Variants in SWT1 observed in about 807,000 individuals in gnomAD.
SWT1 encodes the protein SWT1 RNA endoribonuclease homolog, also known as transcriptional protein SWT1.
In SWT1, 33 loss-of-function variants were observed where a neutral mutation model predicts 107.3. That is an observed-to-expected ratio of 0.31 (90% confidence interval 0.23 to 0.41). SWT1 has a LOEUF of 0.41. Ranked by LOEUF, SWT1 falls within the 10% of genes least tolerant of loss-of-function variation. SWT1 has a pLI of 1.00. For missense variants in SWT1, 898 were observed against 1,028.9 expected (o/e 0.87, Z 1.74); for synonymous variants, 345 against 348.3 (o/e 0.99, Z 0.11).
intron 18 of SWT1, among the ~76,000 whole-genome samples, chr1:185,290,114 A>G (rs1665163958): frequency 6.7e-6 from 1 of 148,774 alleles, no homozygotes; most frequent in Non-Finnish European, 1.5e-5. Context: ...AAAAAAAGCA[A>G]AACAAAACAA....
intron 18 of SWT1, among the ~76,000 whole-genome samples, chr1:185,284,172 T>C (rs1178901958): frequency 1.3e-5 from 2 of 152,240 alleles, no homozygotes; most frequent in African/African-American, 4.8e-5. Flanking sequence ...TTGTATCTCA[T>C]TGTGATTTCA....
chr1:185,174,906 C>T lies in SWT1; in HGVS notation c.759C>T (p.Phe253=). ...AGAAACTTGTAGAAGAAAATGTCTT[C>T]AACATAGATTCTAATAATTCGAAGA... ...TLQKLVEENV[F]NIDSNNSKTK... The change falls in exon 5 of 19, where the codon TTC becomes TTT. Residue 253 remains phenylalanine (F), a synonymous_variant. Transcript: ENST00000367500. 2 of 1,613,854 alleles carry T rather than the reference C, an allele frequency of 1.2e-6. No individual in the cohort carries two copies. The highest frequency in any genetic ancestry group is 1.7e-6 in the Non-Finnish European group (2 of 1,179,948).
intron 15 of SWT1, among the ~76,000 whole-genome samples, chr1:185,225,523 A>G (rs1659980929): frequency 6.6e-6 from 1 of 152,190 alleles, no homozygotes; most frequent in African/African-American, 2.4e-5. Context: ...GAATTCAGCA[A>G]TGAAGCCATC....
upstream of SWT1, chr1:185,157,071 A>C: frequency 3.8e-6 from 1 of 264,624 alleles, no homozygotes; most frequent in Non-Finnish European, 7.4e-6. Context: ...AACAAAGACT[A>C]CAGCACCCAG....
At chr1:185,161,130 A>G (rs568363684) in intron 2 of SWT1, among the ~76,000 whole-genome samples, 9 of 152,314 alleles carry the variant, frequency 5.9e-5, no homozygotes, top group South Asian at 2.1e-4. Flanking sequence ...TATTATTCCA[A>G]TTACACAGAT....
intron 18 of SWT1, chr1:185,281,285 A>G: frequency 4.6e-6 from 1 of 215,592 alleles, no homozygotes; most frequent in Non-Finnish European, 9.4e-6. Flanking sequence ...TATATTGTGG[A>G]AGAAGTTACA....
At chr1:185,180,287 C>T in intron 5 of SWT1, 104 bp from the exon 6 acceptor site, 1 of 880,218 alleles carries the variant, frequency 1.1e-6, no homozygotes, top group Non-Finnish European at 1.9e-6. Flanking sequence ...ACAGGGCAAC[C>T]CCTAAAGTGA....
chr1:185,164,593 T>C (rs1314472883), intron 2 of SWT1, among the ~76,000 whole-genome samples: 3 of 152,252 alleles, frequency 2.0e-5, no homozygotes, highest in Admixed American at 6.5e-5. Context: ...TGTTTCACCT[T>C]GTACTTTTAT....
intron 15 of SWT1, 77 bp downstream of exon 15, chr1:185,222,113 T>C: frequency 9.9e-7 from 1 of 1,008,676 alleles, no homozygotes; most frequent in Non-Finnish European, 1.4e-6. Flanking sequence ...CAGGGTACAA[T>C]TTGATGTGCA....
intron 13 of SWT1, 113 bp downstream of exon 13, chr1:185,206,876 C>A (rs1307041251): frequency 4.1e-6 from 3 of 729,886 alleles, no homozygotes; most frequent in East Asian, 5.9e-5. Context: ...AGTTCTTAAT[C>A]ATTTATACTT....
intron 16 of SWT1, among the ~76,000 whole-genome samples, chr1:185,237,186 C>G (rs1322911091): frequency 6.6e-6 from 1 of 152,160 alleles, no homozygotes; most frequent in Admixed American, 6.5e-5. Flanking sequence ...TTTGACCCAG[C>G]AATCCCGTTC....
chr1:185,260,021 G>A (rs1183342310), intron 16 of SWT1, among the ~76,000 whole-genome samples: 1 of 152,158 alleles, frequency 6.6e-6, no homozygotes, highest in Admixed American at 6.5e-5. Flanking sequence ...TCATGGGTGA[G>A]TACTTTAGAA....
In SWT1 at chr1:185,184,170, T is replaced by C. The variant is rs1206629884; in HGVS notation, c.1139-73T>C. On this transcript the variant is annotated intron_variant, in intron 7 of 18. Transcript: ENST00000367500. The stretch of plus-strand genomic sequence containing the variant: ...AATTTAATTGAATTTTCAATGCTTC[T>C]GTAATATCAAAATTTTAGTCATTAT... 1.7e-5 allele frequency: 12 copies of C among 714,464 alleles called. No individual in the cohort carries two copies. The East Asian group carries it at 2.2e-4, about 13-fold the overall frequency. The allele number at this position is 714,464 out of a possible 1,614,324, so 44.3% of individuals were successfully genotyped here. A position where few individuals can be genotyped will look rare whatever the true frequency, so the allele number is the denominator to read the frequency against.
chr1:185,196,383 C>T (rs1296317540), intron 10 of SWT1, among the ~76,000 whole-genome samples: 2 of 152,218 alleles, frequency 1.3e-5, no homozygotes, highest in Non-Finnish European at 2.9e-5. Flanking sequence ...GTTTTTGTTA[C>T]TGTGGCCTTG....
chr1:185,173,042 C>CAAAAA (rs71555458), intron 4 of SWT1, among the ~76,000 whole-genome samples: 1 of 87,348 alleles, frequency 1.1e-5, no homozygotes, highest in Non-Finnish European at 2.3e-5. Context: ...GACTCCGTCT[C>CAAAAA]AAAAAAAAAA....
intron 16 of SWT1, among the ~76,000 whole-genome samples, chr1:185,265,284 A>G (rs188717749): frequency 1.3e-5 from 2 of 152,276 alleles, no homozygotes; most frequent in Admixed American, 1.3e-4. Flanking sequence ...CATTTTAACT[A>G]TATATGGCAT....
intron 16 of SWT1, among the ~76,000 whole-genome samples, chr1:185,244,332 C>T (rs1421850820): frequency 1.3e-5 from 2 of 152,070 alleles, no homozygotes; most frequent in African/African-American, 4.8e-5. Flanking sequence ...CACTACACAC[C>T]TAGGCTGTAT....
intron 14 of SWT1, among the ~76,000 whole-genome samples, chr1:185,216,968 AAAG>A (rs1489470438): frequency 6.6e-6 from 1 of 151,724 alleles, no homozygotes; most frequent in Non-Finnish European, 1.5e-5. Context: ...AAAAAAAAGA[AAAG>A]AAAAGAAAAA....
chr1:185,257,610 A>C (rs1467691019), intron 16 of SWT1, among the ~76,000 whole-genome samples: 1 of 152,180 alleles, frequency 6.6e-6, no homozygotes, highest in Non-Finnish European at 1.5e-5. Flanking sequence ...GCGCTTCCCA[A>C]GTGAGGCAAT....
Sources: gnomAD v4.1 joint callset for allele counts (sites outside exome capture counted in the v4.1 genomes callset) on GRCh38, gnomAD v4.1.1 for gene constraint, MANE v1.5 for transcripts, NCBI Gene and HGNC (gene_info 2026-07-23, HGNC 2026-07-21) for gene names.